TRAF7: variants seen among roughly 807,000 people sequenced by gnomAD.
The protein encoded by TRAF7 is E3 ubiquitin-protein ligase TRAF7.
In TRAF7, 45 loss-of-function variants were observed where a neutral mutation model predicts 89.3. That is an observed-to-expected ratio of 0.50 (90% CI 0.40 to 0.65). The LOEUF (loss-of-function observed/expected upper bound fraction) is 0.65. TRAF7 is among the 30% of genes least tolerant of loss of function. TRAF7 has a pLI of 0.00. For missense variants in TRAF7, 677 were observed against 918.1 expected (o/e 0.74, Z 3.39); for synonymous variants, 406 against 369.2 (o/e 1.10, Z -1.14).
Position 2,168,461 on chromosome 16 carries a change from C to T in TRAF7, c.231+293C>T. 5.3e-6 allele frequency: 2 copies of T among 374,168 alleles called. No homozygotes were observed. The allele number at this position is 374,168 out of a possible 1,614,324, so 23.2% of individuals were successfully genotyped here. A position where few individuals can be genotyped will look rare whatever the true frequency, so the allele number is the denominator to read the frequency against. ...GCTCCATCTTAAGGGAGGTGGAAAC[C>T]ACAGAAAGTTCAGTCAGGAGGATAG... On this transcript the variant is annotated intron_variant, in intron 4 of 20. Transcript: ENST00000326181. This position sits in a 1 kb window ranked among gnomAD's most constrained non-coding sequence, Gnocchi z 4.1.
chr16:2,170,713 G>A lies in TRAF7; in HGVS notation c.331G>A (p.Glu111Lys), dbSNP rs754251548. The change falls in exon 5 of 21, where the codon GAG becomes AAG. Residue 111 changes from glutamate to lysine, a missense_variant. Physicochemically the swap from Glu to Lys is moderately conservative, Grantham distance 56 (BLOSUM62 1). Transcript: ENST00000326181. Reference sequence around the variant, plus strand: ...TCTGCGCTCCACATTCTCACTGCCCGAGGAGGAGGAGGAGCCGGTAGGTGT... The same window carrying A: ...TCTGCGCTCCACATTCTCACTGCCCAAGGAGGAGGAGGAGCCGGTAGGTGT... Reference protein sequence around the residue: ...MSLRSTFSLPEEEEEPEPLVF... With the variant: ...MSLRSTFSLPKEEEEPEPLVF... 19 of 1,586,920 alleles carry A rather than the reference G, an allele frequency of 1.2e-5. 1 individual carries two copies. The highest frequency in any genetic ancestry group is 2.7e-5 in the African/African-American group (2 of 73,998).
rs2093121439 is a variant in TRAF7 at position 2,173,297 on chromosome 16, G to T, written c.910G>T (p.Ala304Ser). 5.0e-6 allele frequency: 8 copies of T among 1,613,516 alleles called. No homozygotes were observed. Among genetic ancestry groups the T allele is most frequent in the African/African-American group, 1.3e-5 (1 of 74,926 alleles). ...TDDRFHEMHV[A>S]LAQKDQEIAF... ...TGACCGCTTCCACGAGATGCACGTG[G>T]CTCTGGCCCAGAAGGACCAGGAGAT... Residue 304 changes from alanine to serine, a missense_variant, in exon 10 of 21, where the codon GCT (alanine) becomes TCT (serine). By Grantham distance (99) the Ala-to-Ser change is moderately conservative. Coordinates refer to ENST00000326181, the MANE Select transcript of TRAF7 (RefSeq NM_032271.3).
At chr16:2,171,659 G>A in intron 7 of TRAF7, 54 bp downstream of exon 7, 1 of 1,611,914 alleles carries the variant, frequency 6.2e-7, no homozygotes, top group Non-Finnish European at 8.5e-7. Flanking sequence ...TGGCTGCCGA[G>A]CAGAGGCGGG....
At chr16:2,167,999 G>C in intron 3 of TRAF7, 78 bp from the exon 4 acceptor site, 1 of 1,380,250 alleles carries the variant, frequency 7.2e-7, no homozygotes, top group East Asian at 2.4e-5. Context: ...CACAGGGTCG[G>C]GTATCCAGCA....
Position 2,177,103 on chromosome 16 carries a change from A to C in TRAF7, c.*529A>C. ...GGCCTCCCCTCCCTGCTAGGAGGCA[A>C]CTCGTCACACCCAAGCTGCTGGCCT... is the stretch of plus-strand genomic sequence containing the variant. On this transcript the variant is annotated 3_prime_UTR_variant, in exon 21 of 21. Transcript: ENST00000326181. 1 of 267,388 alleles carries C rather than the reference A, an allele frequency of 3.7e-6. No individual in the cohort carries two copies. Among genetic ancestry groups the C allele is most frequent in the Non-Finnish European group, 7.3e-6 (1 of 137,760 alleles). The allele number at this position is 267,388 out of a possible 1,614,324, so 16.6% of individuals were successfully genotyped here.
Position 2,162,938 on chromosome 16 carries a change from G to A in TRAF7, c.-38-945G>A, listed in dbSNP as rs2093063493. ...CCTGAAAGTGGGACCTGCTCGGGAG[G>A]AGGGGCGCCTGCTGACAGAGCCTGG... is the stretch of plus-strand genomic sequence containing the variant. On this transcript the variant is annotated intron_variant, in intron 1 of 20. Transcript: ENST00000326181. The surrounding 1 kb of genome is among the most constrained non-coding windows in gnomAD (Gnocchi z 5.0). Among the ~76,000 whole-genome samples, 1 of 152,178 alleles carries A rather than the reference G, an allele frequency of 6.6e-6. No individual in the cohort carries two copies.
In TRAF7 at chr16:2,158,189, G is replaced by A. The variant is rs947165975; in HGVS notation, c.-39+2331G>A. Among the ~76,000 whole-genome samples, 5 of 152,284 alleles carry A rather than the reference G, an allele frequency of 3.3e-5. No homozygotes were observed. The highest frequency in any genetic ancestry group is 2.1e-4 in the South Asian group (1 of 4,824). On this transcript the variant is annotated intron_variant, in intron 1 of 20. Coordinates refer to ENST00000326181, the MANE Select transcript of TRAF7 (RefSeq NM_032271.3). This position sits in a 1 kb window ranked among gnomAD's most constrained non-coding sequence, Gnocchi z 4.7. The stretch of plus-strand genomic sequence containing the variant: ...CTGTTGGCTGCGTGTGTCTCAGTCC[G>A]GCCTTCTCAGTGGGTGGGCACCGAG...
In TRAF7 at chr16:2,177,995, G is replaced by A; in HGVS notation, c.*1421G>A. 2.5e-6 allele frequency: 1 copy of A among 394,386 alleles called. No individual in the cohort carries two copies. Among genetic ancestry groups the A allele is most frequent in the South Asian group, 2.4e-5 (1 of 42,378 alleles). The allele number at this position is 394,386 out of a possible 1,614,324, so 24.4% of individuals were successfully genotyped here. A position where few individuals can be genotyped will look rare whatever the true frequency, so the allele number is the denominator to read the frequency against. ...CGGAGCTAGACTTCGTGTCCTTTCA[G>A]TTGGTAAATGGTTTTCTATAGAATC... On this transcript the variant is annotated 3_prime_UTR_variant, in exon 21 of 21. Coordinates refer to ENST00000326181, the MANE Select transcript of TRAF7 (RefSeq NM_032271.3).
intron 5 of TRAF7, 70 bp from the exon 6 acceptor site, chr16:2,171,192 CCT>C: frequency 7.7e-7 from 1 of 1,297,418 alleles, no homozygotes; most frequent in South Asian, 1.3e-5. Flanking sequence ...AGCAAGAGCG[CCT>C]GGGTGCCTGG....
At position 2,163,302 on chromosome 16, in the gene TRAF7, A is replaced by G. The variant is rs2093065041; in HGVS notation, c.-38-581A>G. 6.6e-6 allele frequency among the ~76,000 whole-genome samples: 1 copy of G among 152,080 alleles called. No individual in the cohort carries two copies. Among genetic ancestry groups the G allele is most frequent in the African/African-American group, 2.4e-5 (1 of 41,414 alleles). On this transcript the variant is annotated intron_variant, in intron 1 of 20. Coordinates refer to ENST00000326181, the MANE Select transcript of TRAF7 (RefSeq NM_032271.3). The surrounding 1 kb of genome is among the most constrained non-coding windows in gnomAD (Gnocchi z 4.3). ...CTCTCTCCTGTGCTTTTTTCCGTGC[A>G]GTGCGGTTTGTGTGGAGTTGGGCTC...
In TRAF7 at chr16:2,168,082, G is replaced by C; in HGVS notation, c.145G>C (p.Gly49Arg). The change falls in exon 4 of 21, where the codon GGG (glycine) becomes CGG (arginine). Residue 49 changes from glycine (G) to arginine (R), a missense_variant. This residue lies in a region of TRAF7 where 240 missense variants were observed against 191.9 expected (regional missense o/e 1.25). Coordinates refer to ENST00000326181, the MANE Select transcript of TRAF7 (RefSeq NM_032271.3). This position sits in a 1 kb window ranked among gnomAD's most constrained non-coding sequence, Gnocchi z 4.1. ...CCAGCCCTCTTGCCTTGCAGCTGAC[G>C]GGACCAGCACCTACAAGCAGCACTG... The part of the protein sequence containing the change: ...SAVTTITKAD[G>R]TSTYKQHCRT... 6.2e-7 allele frequency: 1 copy of C among 1,611,372 alleles called. No individual in the cohort carries two copies. Among genetic ancestry groups the C allele is most frequent in the Non-Finnish European group, 8.5e-7 (1 of 1,179,806 alleles).
Position 2,170,864 on chromosome 16 carries a change from T to G in TRAF7, c.348+134T>G, listed in dbSNP as rs548501280. The G allele has an allele frequency of 3.6e-6, 3 of 835,328 alleles. No individual in the cohort carries two copies. The East Asian group carries it at 8.0e-5, about 22-fold the overall frequency. The allele number at this position is 835,328 out of a possible 1,614,324, so 51.7% of individuals were successfully genotyped here. On this transcript the variant is annotated intron_variant, in intron 5 of 20. Coordinates refer to ENST00000326181, the MANE Select transcript of TRAF7 (RefSeq NM_032271.3). ...GGCTGGGGCCTGACGGGAACTGCAG[T>G]GCTTGCTGGTCCGTGGTGGGGACTC...
At chr16:2,164,138 TG>T in intron 2 of TRAF7, 137 bp downstream of exon 2, 2 of 570,716 alleles carry the variant, frequency 3.5e-6, no homozygotes, top group African/African-American at 2.5e-5. Flanking sequence ...GGGGGGGGTG[TG>T]GTGTGTGTGT....
chr16:2,174,446 C>A (rs561309771), intron 14 of TRAF7, 113 bp downstream of exon 14: 2 of 979,548 alleles, frequency 2.0e-6, no homozygotes, highest in South Asian at 1.5e-5. Flanking sequence ...GTGTGCCCCA[C>A]CTATAGGGCA....
At position 2,161,615 on chromosome 16, in the gene TRAF7, G is replaced by A. The variant is rs1003657360; in HGVS notation, c.-38-2268G>A. 6.6e-6 allele frequency among the ~76,000 whole-genome samples: 1 copy of A among 152,182 alleles called. No individual in the cohort carries two copies. The highest frequency in any genetic ancestry group is 1.5e-5 in the Non-Finnish European group (1 of 68,036). On this transcript the variant is annotated intron_variant, in intron 1 of 20. Coordinates refer to ENST00000326181, the MANE Select transcript of TRAF7 (RefSeq NM_032271.3). This position sits in a 1 kb window ranked among gnomAD's most constrained non-coding sequence, Gnocchi z 5.2. ...ATGGGTTTGTAAAATGCAGGTCAGTGTCTCCTAGTGGCTGCCCGGTGATCC... is the reference window on the plus strand; with the variant it reads ...ATGGGTTTGTAAAATGCAGGTCAGTATCTCCTAGTGGCTGCCCGGTGATCC...
At chr16:2,173,858 C>CGGGGGGGGG in intron 12 of TRAF7, 22 bp downstream of exon 12, 7 of 1,599,156 alleles carry the variant, frequency 4.4e-6, no homozygotes, top group Non-Finnish European at 6.0e-6. Flanking sequence ...CCCGCCGTGG[C>CGGGGGGGGG]TCCCGCCCAC....
chr16:2,172,604 G>T lies in TRAF7; in HGVS notation c.794+5G>T. 6.5e-7 allele frequency: 1 copy of T among 1,545,624 alleles called. No homozygotes were observed. On this transcript the variant is annotated splice_donor_5th_base_variant and intron_variant, in intron 9 of 20. Transcript: ENST00000326181. ...ATGCCCCCACTCCAAGTACGGGTGA[G>T]TGGGGGGCGGGCGGGGGTGGGCCGG...
Position 2,176,258 on chromosome 16 carries a change from C to G in TRAF7, c.1879-7C>G. ...CCGGCGGGCCCTCACGTCCCATGTGCCCCCAGGTCTGGAGTATGGACAACA... is the reference window on the plus strand; with the variant it reads ...CCGGCGGGCCCTCACGTCCCATGTGGCCCCAGGTCTGGAGTATGGACAACA... On this transcript the variant is annotated splice_region_variant and splice_polypyrimidine_tract_variant and intron_variant, in intron 19 of 20. Coordinates refer to ENST00000326181, the MANE Select transcript of TRAF7 (RefSeq NM_032271.3). 1 of 1,600,936 alleles carries G rather than the reference C, an allele frequency of 6.2e-7. No individual in the cohort carries two copies.
At chr16:2,165,085 T>C (rs1433827768) in intron 2 of TRAF7, among the ~76,000 whole-genome samples, 2 of 101,684 alleles carry the variant, frequency 2.0e-5, no homozygotes, top group African/African-American at 5.7e-5. Flanking sequence ...CTGCATGGCC[T>C]GGCCTGGTCG....
Sources: gnomAD v4.1 joint callset for allele counts (sites outside exome capture counted in the v4.1 genomes callset) on GRCh38, gnomAD v4.1.1 for gene constraint, gnomAD v4.1.1 regional missense constraint, Gnocchi (gnomAD v3.1) non-coding constraint, MANE v1.5 for transcripts, NCBI Gene and HGNC (gene_info 2026-07-23, HGNC 2026-07-21) for gene names.